The following HERC1 variants were observed in gnomAD, a reference collection of about 807,000 sequenced individuals.
HERC1 encodes the protein HECT and RLD domain containing E3 ubiquitin protein ligase family member 1.
HERC1 carries 160 observed loss-of-function variants against 554.3 expected under a neutral mutation model. The ratio of observed to expected loss-of-function variants is 0.29; its 90% CI spans 0.25 to 0.33. The LOEUF (loss-of-function observed/expected upper bound fraction) is 0.33. Among genes scored for constraint, HERC1 ranks in the 10% least tolerant of loss-of-function variants. The pLI is 1.00. For missense variants in HERC1, 4,919 were observed against 5,918.5 expected, an observed-to-expected ratio of 0.83 and a Z score of 5.54; for synonymous variants, 2,175 against 2,131.7, an observed-to-expected ratio of 1.02 and a Z score of -0.56.
chr15:63,645,958 G>C (rs2069315176), intron 55 of HERC1, among the ~76,000 whole-genome samples: 1 of 152,082 alleles, frequency 6.6e-6, no homozygotes, highest in South Asian at 2.1e-4. Flanking sequence ...ACTCAAAAGG[G>C]ATATGTTATC....
At chr15:63,696,511 A>G (rs1389803307) in intron 26 of HERC1, among the ~76,000 whole-genome samples, 172 bp from the exon 27 acceptor site, 1 of 152,168 alleles carries the variant, frequency 6.6e-6, no homozygotes, top group Non-Finnish European at 1.5e-5. Flanking sequence ...TTTTCTAAAA[A>G]CTCTATAAGC....
intron 12 of HERC1, among the ~76,000 whole-genome samples, chr15:63,738,317 T>G (rs2074634941): frequency 6.6e-6 from 1 of 152,010 alleles, no homozygotes; most frequent in Admixed American, 6.6e-5. Flanking sequence ...GAAATAACAA[T>G]TAAAAGCAAT....
Position 63,656,442 on chromosome 15 carries a change from G to C in HERC1, c.9600-84C>G, listed in dbSNP as rs562054951. 8 of 1,172,800 alleles carry C rather than the reference G, an allele frequency of 6.8e-6. No homozygotes were observed. In the African/African-American group the frequency reaches 1.2e-4, roughly 18 times the overall value. 72.6% of individuals were successfully genotyped at this position (1,172,800 alleles called of 1,614,324 possible). ...TTTGCAGTCCCACATAACATTCACA[G>C]CATCAACAACCATAATAAAATGTAA... On this transcript the variant is annotated intron_variant, in intron 48 of 77. Transcript: ENST00000443617.
At chr15:63,832,251 T>C (rs776110342) in intron 1 of HERC1, among the ~76,000 whole-genome samples, 2 of 152,274 alleles carry the variant, frequency 1.3e-5, no homozygotes, top group South Asian at 2.1e-4. Flanking sequence ...GATATATAAA[T>C]GTGTATAGGT....
intron 24 of HERC1, among the ~76,000 whole-genome samples, chr15:63,711,215 C>G (rs1333456308): frequency 6.6e-6 from 1 of 152,068 alleles, no homozygotes; most frequent in Non-Finnish European, 1.5e-5. Context: ...ATCTCAGCTA[C>G]TCGGGAGGCT....
Position 63,626,093 on chromosome 15 carries a change from C to T in HERC1, c.13167G>A (p.Leu4389=). The change falls in exon 71 of 78, where the codon CTG becomes CTA. Residue 4389 remains leucine, a synonymous_variant. Transcript: ENST00000443617. Reference sequence around the variant, plus strand: ...GCACCGTGTGAATGCTGACTTCTCTCAGCGCCCCATACTGGGGGGGCACTG... The same window carrying T: ...GCACCGTGTGAATGCTGACTTCTCTTAGCGCCCCATACTGGGGGGGCACTG... ...PDTVPPQYGA[L]REVSIHTVRA... 6.2e-7 allele frequency: 1 copy of T among 1,613,788 alleles called. No individual in the cohort carries two copies. The highest frequency in any genetic ancestry group is 8.5e-7 in the Non-Finnish European group (1 of 1,179,808).
intron 24 of HERC1, among the ~76,000 whole-genome samples, chr15:63,708,493 GC>G (rs544367984): frequency 5.9e-5 from 9 of 152,122 alleles, no homozygotes; most frequent in Admixed American, 3.3e-4. Flanking sequence ...ATCAAATCCT[GC>G]CAGAAACGAG....
Position 63,649,877 on chromosome 15 carries a change from G to A in HERC1, c.10595C>T (p.Ala3532Val). The A allele has an allele frequency of 6.2e-7, 1 of 1,612,508 alleles. No individual in the cohort carries two copies. Among genetic ancestry groups the A allele is most frequent in the Non-Finnish European group, 8.5e-7 (1 of 1,179,310 alleles). Residue 3532 changes from alanine (A) to valine (V), a missense_variant, in exon 54 of 78, where the codon GCT (alanine) becomes GTT (valine). Physicochemically the swap from Ala to Val is moderately conservative, Grantham distance 64. Around this residue, in one of 11 missense-constraint regions of HERC1, gnomAD observed 1,963 missense variants for 2,228.6 expected, o/e 0.88. Transcript: ENST00000443617. The part of the protein sequence containing the change: ...DIQPHWVSAL[A>V]WPEEGPATAW... Reference sequence around the variant, plus strand: ...TGTAGCCGGACCCTCTTCTGGCCAAGCCAGGGCAGATACCCAATGAGGCTG... The same window carrying A: ...TGTAGCCGGACCCTCTTCTGGCCAAACCAGGGCAGATACCCAATGAGGCTG...
At position 63,717,724 on chromosome 15, in the gene HERC1, T is replaced by C. The variant is rs141155187; in HGVS notation, c.3978+850A>G. ...CATGTCTACTAAAAATACAAAAAAT[T>C]AGCAGGGCGTGGTGGTGCATGCCTG... is the stretch of plus-strand genomic sequence containing the variant. On this transcript the variant is annotated intron_variant, in intron 21 of 77. Transcript: ENST00000443617. Among the ~76,000 whole-genome samples the C allele has an allele frequency of 1.6e-4, 25 of 152,104 alleles. 1 individual carries two copies. In the East Asian group the frequency reaches 4.1e-3, roughly 25 times the overall value.
In HERC1 at chr15:63,712,873, T is replaced by C; in HGVS notation, c.4486A>G (p.Ser1496Gly). 5.0e-6 allele frequency: 8 copies of C among 1,613,558 alleles called. No homozygotes were observed. Among genetic ancestry groups the C allele is most frequent in the Non-Finnish European group, 6.8e-6 (8 of 1,179,722 alleles). The change falls in exon 24 of 78, where the codon AGC becomes GGC. Residue 1496 changes from serine (S) to glycine (G), a missense_variant. By Grantham distance (56) the Ser-to-Gly change is moderately conservative (BLOSUM62 0). This residue lies in a region of HERC1 where 1,121 missense variants were observed against 1,244.0 expected (regional missense o/e 0.90). Transcript: ENST00000443617. ...TTTGGGCTTGTGTGGACTAGCCGGC[T>C]CTCTGCAGTAAGACTTTCACTCCTG... is the stretch of plus-strand genomic sequence containing the variant. ...MTRSESLTAE[S>G]RLVHTSPNYR... is the part of the protein sequence containing the mutation.
At chr15:63,628,912 G>T in intron 69 of HERC1, 97 bp from the exon 70 acceptor site, 4 of 1,091,050 alleles carry the variant, frequency 3.7e-6, no homozygotes, top group South Asian at 1.5e-5. Context: ...ACATAAATAA[G>T]TTAATAACTG....
intron 1 of HERC1, among the ~76,000 whole-genome samples, chr15:63,824,356 A>G (rs1051870472): frequency 3.3e-5 from 5 of 151,994 alleles, no homozygotes; most frequent in Admixed American, 3.3e-4. Flanking sequence ...ACACAGTGAA[A>G]CCCCATCTCT....
intron 33 of HERC1, among the ~76,000 whole-genome samples, chr15:63,687,713 T>C (rs1019533445): frequency 6.6e-6 from 1 of 152,024 alleles, no homozygotes; most frequent in African/African-American, 2.4e-5. Context: ...AATAAGAAAA[T>C]ACAAGGATTA....
intron 38 of HERC1, 62 bp from the exon 39 acceptor site, chr15:63,672,756 G>T: frequency 4.4e-6 from 5 of 1,146,714 alleles, no homozygotes; most frequent in South Asian, 1.7e-5. Context: ...AATAACAGCG[G>T]GAATAAAAAA....
At chr15:63,630,334 G>T in intron 69 of HERC1, 132 bp downstream of exon 69, 1 of 909,826 alleles carries the variant, frequency 1.1e-6, no homozygotes, top group Non-Finnish European at 1.7e-6. Flanking sequence ...AAAATAATCA[G>T]TCCCATAGCA....
rs574610587 is a variant in HERC1 at position 63,612,589 on chromosome 15, T to TGTGC, written c.14095-37_14095-34dup. The stretch of plus-strand genomic sequence containing the variant: ...CGGGAGAGGTTGCTCATTCAATGAG[T>TGTGC]GTGCGTGAACCTGGCACCCACCAAG... On this transcript the variant is annotated intron_variant, in intron 76 of 77. Coordinates refer to ENST00000443617, the MANE Select transcript of HERC1 (RefSeq NM_003922.4). The surrounding 1 kb of genome is among the most constrained non-coding windows in gnomAD (Gnocchi z 5.0). The TGTGC allele has an allele frequency of 2.7e-4, 432 of 1,592,726 alleles. 1 individual carries two copies. In the African/African-American group the frequency reaches 5.1e-3, roughly 19 times the overall value.
intron 1 of HERC1, among the ~76,000 whole-genome samples, chr15:63,810,711 T>G (rs1283219428): frequency 6.6e-6 from 1 of 152,198 alleles, no homozygotes; most frequent in Non-Finnish European, 1.5e-5. Flanking sequence ...GAGACAACTT[T>G]CACGTGATCT....
chr15:63,676,612 C>T (rs780447203), intron 37 of HERC1, among the ~76,000 whole-genome samples: 9 of 151,902 alleles, frequency 5.9e-5, no homozygotes, highest in African/African-American at 1.5e-4. Context: ...AAAAATTAGC[C>T]GGGCATGATG....
At chr15:63,643,345 A>AT in intron 58 of HERC1, 59 bp downstream of exon 58, 4 of 1,426,702 alleles carry the variant, frequency 2.8e-6, no homozygotes. Context: ...TTTTTATCAC[A>AT]TGTGTTTAAG....
Sources: gnomAD v4.1 joint callset for allele counts (sites outside exome capture counted in the v4.1 genomes callset) on GRCh38, gnomAD v4.1.1 for gene constraint, gnomAD v4.1.1 regional missense constraint, Gnocchi (gnomAD v3.1) non-coding constraint, MANE v1.5 for transcripts, NCBI Gene and HGNC (gene_info 2026-07-23, HGNC 2026-07-21) for gene names.